The following ANXA8 variants were observed in gnomAD, a reference collection of about 807,000 sequenced individuals.
ANXA8 encodes the protein annexin A8, also known as VAC-beta.
ANXA8 carries 9 observed loss-of-function variants against 26.8 expected under a neutral mutation model. The observed-to-expected ratio is 0.34, with a 90% CI of 0.20 to 0.59. ANXA8 has a LOEUF of 0.59. ANXA8 is among the 20% of genes least tolerant of loss of function. ANXA8 has a pLI of 0.84. For missense variants in ANXA8, 83 were observed against 238.5 expected (o/e 0.35, Z 4.29); for synonymous variants, 39 against 94.8 (o/e 0.41, Z 3.42).
the ANXA8 span, among the ~76,000 whole-genome samples, chr10:47,721,141 CT>C: frequency 2.8e-5 from 4 of 141,482 alleles, no homozygotes; most frequent in African/African-American, 1.0e-4. Context: ...GAGTGAGACC[CT>C]GTCTCAAAAT....
chr10:47,468,757 C>T lies in ANXA8; in HGVS notation c.*90G>A. Reference sequence around the variant, plus strand: ...TAGAAGACCGAAAGGCTGGGACCCCCCTCACACCCAACCTGCGTCCATGGC... The same window carrying T: ...TAGAAGACCGAAAGGCTGGGACCCCTCTCACACCCAACCTGCGTCCATGGC... On this transcript the variant is annotated 3_prime_UTR_variant, in exon 12 of 12. Transcript: ENST00000585281. 1.3e-6 allele frequency: 2 copies of T among 1,559,454 alleles called. No homozygotes were observed. The highest frequency in any genetic ancestry group is 3.8e-5 in the Admixed American group (2 of 52,658).
the ANXA8 span, among the ~76,000 whole-genome samples, chr10:47,678,726 T>C: frequency 6.6e-6 from 1 of 151,562 alleles, no homozygotes. Flanking sequence ...TGGGGAAAGG[T>C]AGAAGGAATT....
At chr10:47,570,883 T>C in the ANXA8 span, among the ~76,000 whole-genome samples, 35 of 148,862 alleles carry the variant, frequency 2.4e-4, no homozygotes, top group African/African-American at 7.6e-4. Context: ...TATAGGTAAC[T>C]CTAAAACTTG....
At chr10:47,603,731 G>T in the ANXA8 span, among the ~76,000 whole-genome samples, 1 of 146,120 alleles carries the variant, frequency 6.8e-6, no homozygotes, top group East Asian at 1.9e-4. Flanking sequence ...GGCTGGTTTT[G>T]AACTCCTGAC....
chr10:47,981,009 G>A, the ANXA8 span, among the ~76,000 whole-genome samples: 2 of 151,110 alleles, frequency 1.3e-5, no homozygotes, highest in Admixed American at 1.3e-4. Flanking sequence ...CATTCTAAGA[G>A]AACACAGCAA....
chr10:47,733,143 A>ATCTATCTTTCTTTCTT, the ANXA8 span, among the ~76,000 whole-genome samples: 3 of 98,068 alleles, frequency 3.1e-5, no homozygotes, highest in Non-Finnish European at 4.4e-5. Flanking sequence ...CAACTCCCTA[A>ATCTATCTTTCTTTCTT]TCTTTCTTTC....
chr10:47,646,594 A>G, the ANXA8 span, among the ~76,000 whole-genome samples: 1 of 150,010 alleles, frequency 6.7e-6, no homozygotes, highest in Non-Finnish European at 1.5e-5. Flanking sequence ...AAAGACCAAC[A>G]TTTTTACAAT....
chr10:47,695,461 G>C, the ANXA8 span, among the ~76,000 whole-genome samples: 1 of 151,800 alleles, frequency 6.6e-6, no homozygotes, highest in African/African-American at 2.4e-5. Context: ...TAGCAGCATA[G>C]CATCAACAAA....
the ANXA8 span, among the ~76,000 whole-genome samples, chr10:47,778,525 T>C: frequency 6.6e-6 from 1 of 151,920 alleles, no homozygotes; most frequent in Non-Finnish European, 1.5e-5. Context: ...CTAGGGTCCA[T>C]AGTCTTGTCT....
the ANXA8 span, among the ~76,000 whole-genome samples, chr10:47,648,457 G>A: frequency 5.3e-5 from 8 of 149,840 alleles, no homozygotes; most frequent in Admixed American, 1.3e-4. Context: ...TTCTGTAGCA[G>A]CATTTCAATC....
At chr10:47,469,003 C>G (rs1839209986) in intron 11 of ANXA8, 97 bp from the exon 12 acceptor site, 8 of 1,530,570 alleles carry the variant, frequency 5.2e-6, no homozygotes, top group Non-Finnish European at 5.3e-6. Context: ...GTGCCCCTGG[C>G]CTGCACCTGG....
At chr10:47,599,203 T>C in the ANXA8 span, among the ~76,000 whole-genome samples, 1 of 143,398 alleles carries the variant, frequency 7.0e-6, no homozygotes, top group Non-Finnish European at 1.5e-5. Flanking sequence ...AAAAATCATT[T>C]ATCAAACAGA....
chr10:47,506,825 G>C, the ANXA8 span, among the ~76,000 whole-genome samples: 1 of 140,170 alleles, frequency 7.1e-6, no homozygotes, highest in East Asian at 2.9e-4. Context: ...ATTTTTAGTA[G>C]AGACGGGGTT....
At chr10:47,697,043 T>C in the ANXA8 span, among the ~76,000 whole-genome samples, 58 of 151,896 alleles carry the variant, frequency 3.8e-4, no homozygotes, top group Non-Finnish European at 7.2e-4. Context: ...TTTCTCTTCT[T>C]TAAAAGAAGC....
the ANXA8 span, among the ~76,000 whole-genome samples, chr10:47,500,899 A>C: frequency 8.6e-6 from 1 of 115,958 alleles, no homozygotes; most frequent in Non-Finnish European, 1.7e-5. Context: ...ACGCCCAGCT[A>C]ATTTTTTTTT....
At chr10:47,745,542 C>A in the ANXA8 span, among the ~76,000 whole-genome samples, 1 of 14,792 alleles carries the variant, frequency 6.8e-5, no homozygotes. Flanking sequence ...TTCCACAGTG[C>A]AAAATAGCAA....
the ANXA8 span, among the ~76,000 whole-genome samples, chr10:47,746,560 C>A: frequency 3.0e-4 from 22 of 73,386 alleles, no homozygotes; most frequent in African/African-American, 9.9e-4. Context: ...TGCCTGTAAT[C>A]CCAGCTACTC....
At chr10:47,907,835 T>G in the ANXA8 span, among the ~76,000 whole-genome samples, 1 of 27,640 alleles carries the variant, frequency 3.6e-5, no homozygotes. Flanking sequence ...AGCCTAATTT[T>G]ACACCCCTGC....
the ANXA8 span, among the ~76,000 whole-genome samples, chr10:47,954,973 G>A: frequency 4.0e-4 from 60 of 149,776 alleles, no homozygotes; most frequent in South Asian, 0.013. Flanking sequence ...CCACACAAGA[G>A]ACTACAGTCA....
Sources: gnomAD v4.1 joint callset for allele counts (sites outside exome capture counted in the v4.1 genomes callset) on GRCh38, gnomAD v4.1.1 for gene constraint, MANE v1.5 for transcripts, NCBI Gene and HGNC (gene_info 2026-07-23, HGNC 2026-07-21) for gene names.